Variants in CEP76 observed in about 807,000 individuals in gnomAD.
The protein encoded by CEP76 is centrosomal protein of 76 kDa.
A neutral mutation model predicts 83.3 loss-of-function variants in CEP76; 55 were observed. The ratio of observed to expected loss-of-function variants is 0.66; its 90% CI spans 0.53 to 0.83. The LOEUF is 0.83. CEP76 is among the 40% of genes least tolerant of loss of function. The pLI is 0.00. For synonymous variants in CEP76, 270 were observed against 274.5 expected, an observed-to-expected ratio of 0.98 and a Z score of 0.16; for missense variants, 694 against 799.5, an observed-to-expected ratio of 0.87 and a Z score of 1.59.
At chr18:12,666,531 C>G (rs1024249699) in intron 12 of CEP76, among the ~76,000 whole-genome samples, 1 of 148,682 alleles carries the variant, frequency 6.7e-6, no homozygotes, top group Non-Finnish European at 1.5e-5. Context: ...CTCCTAACGT[C>G]CCGCCTCAAT....
intron 8 of CEP76, among the ~76,000 whole-genome samples, chr18:12,683,008 A>G (rs1390161331): frequency 6.6e-6 from 1 of 152,004 alleles, no homozygotes; most frequent in Non-Finnish European, 1.5e-5. Context: ...AAAGATAGTC[A>G]GTGTGAAAGT....
At chr18:12,698,945 C>T (rs938623561) in intron 4 of CEP76, 34 bp downstream of exon 4, 1 of 1,388,804 alleles carries the variant, frequency 7.2e-7, no homozygotes, top group South Asian at 1.2e-5. Flanking sequence ...CAAAGATTTA[C>T]TCAATTAAAT....
At chr18:12,683,407 C>G (rs536073510) in intron 8 of CEP76, among the ~76,000 whole-genome samples, 3 of 151,116 alleles carry the variant, frequency 2.0e-5, no homozygotes, top group African/African-American at 7.3e-5. Context: ...AAAAAAAGAG[C>G]CTAACTTGGC....
downstream of CEP76, among the ~76,000 whole-genome samples, chr18:12,670,153 A>G (rs1270881572): frequency 6.6e-6 from 1 of 151,544 alleles, no homozygotes; most frequent in Non-Finnish European, 1.5e-5. Flanking sequence ...AACAAGGTGA[A>G]ACCCCTCTCT....
rs552070687 is a variant in CEP76, at chr18:12,684,180, A to T, written c.1122+2082T>A. The T allele has an allele frequency of 3.9e-3, 589 of 152,188 alleles. 4 individuals carry two copies. The highest frequency in any genetic ancestry group is 7.0e-3 in the Non-Finnish European group (474 of 68,038). 9.4% of individuals were successfully genotyped at this position (152,188 alleles called of 1,614,324 possible). ...GAGATGGGGTTTCACCGTATCAGCA[A>T]GGATGATCTCGATCTCCTGACCGTG... On this transcript the variant is annotated intron_variant, in intron 8 of 11. Transcript: ENST00000262127.
At chr18:12,674,441 T>TAAA (rs34769779) in intron 11 of CEP76, 95 bp downstream of exon 11, 45 of 715,614 alleles carry the variant, frequency 6.3e-5, no homozygotes, top group Non-Finnish European at 8.0e-5. Context: ...GACCTTGAGT[T>TAAA]AAAAAAAAAA....
chr18:12,674,457 A>G (rs1229514404), intron 11 of CEP76, 79 bp downstream of exon 11: 4 of 996,764 alleles, frequency 4.0e-6, no homozygotes, highest in African/African-American at 3.4e-5. Context: ...AAAAAAAAAA[A>G]GGAAATTAAA....
intron 4 of CEP76, chr18:12,698,738 T>A (rs938350711): frequency 3.3e-5 from 17 of 508,494 alleles, no homozygotes; most frequent in Middle Eastern, 5.2e-4. Context: ...GGTATTTAAG[T>A]GTGTATTACT....
At chr18:12,669,701 T>C (rs2038891161), downstream of CEP76, among the ~76,000 whole-genome samples, 1 of 152,152 alleles carries the variant, frequency 6.6e-6, no homozygotes, top group Non-Finnish European at 1.5e-5. Flanking sequence ...GTAAATTTAA[T>C]TCTTAAAAAG....
At chr18:12,701,946 T>C (rs1010938879) in intron 1 of CEP76, among the ~76,000 whole-genome samples, 1 of 151,870 alleles carries the variant, frequency 6.6e-6, no homozygotes, top group Non-Finnish European at 1.5e-5. Context: ...CACACCAACA[T>C]GGTGAAACCG....
downstream of CEP76, among the ~76,000 whole-genome samples, chr18:12,671,565 G>T (rs2038943166): frequency 6.8e-6 from 1 of 146,360 alleles, no homozygotes; most frequent in African/African-American, 2.5e-5. Context: ...TCTTTTTAAA[G>T]TTTACTTTTG....
chr18:12,669,526 A>C (rs76446789), downstream of CEP76, among the ~76,000 whole-genome samples: 3,984 of 152,176 alleles, frequency 0.026, 187 homozygotes, highest in African/African-American at 0.091. Context: ...CTGGTTTCTG[A>C]TATTTTTCTA....
At chr18:12,664,847 C>G (rs925533124) in intron 12 of CEP76, among the ~76,000 whole-genome samples, 1 of 151,672 alleles carries the variant, frequency 6.6e-6, no homozygotes. Context: ...TACAGGCGCC[C>G]GTCACCATGC....
chr18:12,686,114 C>T, intron 8 of CEP76, 148 bp downstream of exon 8: 2 of 501,034 alleles, frequency 4.0e-6, no homozygotes, highest in Non-Finnish European at 6.8e-6. Context: ...TTTTGATCTG[C>T]AGTTGGTTGA....
chr18:12,670,442 A>G (rs934151533), downstream of CEP76: 25 of 152,212 alleles, frequency 1.6e-4, no homozygotes, highest in Admixed American at 3.3e-4. Context: ...CATAAAAAGC[A>G]TATTTATTAC....
At chr18:12,681,258 T>A (rs2039341160) in intron 8 of CEP76, among the ~76,000 whole-genome samples, 2 of 65,492 alleles carry the variant, frequency 3.1e-5, no homozygotes, top group Admixed American at 2.7e-4. Flanking sequence ...AGTAGAACAT[T>A]TTTTTTTTTT....
At chr18:12,665,586 C>T (rs2038786377) in intron 12 of CEP76, among the ~76,000 whole-genome samples, 2 of 152,168 alleles carry the variant, frequency 1.3e-5, no homozygotes, top group East Asian at 3.8e-4. Flanking sequence ...TCTAATCCTT[C>T]TTAAGAGATG....
chr18:12,697,506 TA>T (rs2039998219), intron 4 of CEP76, 98 bp from the exon 5 acceptor site: 3 of 837,624 alleles, frequency 3.6e-6, no homozygotes, highest in Non-Finnish European at 5.3e-6. Context: ...TAAGCTTATA[TA>T]AAACCAAAGA....
In CEP76 at chr18:12,675,609, TAGGG is replaced by T. The variant is rs1274425154; in HGVS notation, c.1624-860_1624-857del. On this transcript the variant is annotated intron_variant, in intron 10 of 11. Transcript: ENST00000262127. ...AAGATGAAGACATTTTATAGGCCCT[TAGGG>T]AGCTTAAAACATATTTCTATGGAAT... 2.6e-5 allele frequency among the ~76,000 whole-genome samples: 4 copies of T among 152,116 alleles called. 1 individual carries two copies. The highest frequency in any genetic ancestry group is 2.6e-4 in the Admixed American group (4 of 15,252).
Sources: gnomAD v4.1 joint callset for allele counts (sites outside exome capture counted in the v4.1 genomes callset) on GRCh38, gnomAD v4.1.1 for gene constraint, MANE v1.5 for transcripts, NCBI Gene and HGNC (gene_info 2026-07-23, HGNC 2026-07-21) for gene names.